KCND2: variants seen among roughly 807,000 people sequenced by gnomAD.
The protein encoded by KCND2 is A-type voltage-gated potassium channel KCND2.
KCND2 carries 16 observed loss-of-function variants against 54.4 expected under a neutral mutation model. That is an observed-to-expected ratio of 0.29 (90% CI 0.20 to 0.45). The LOEUF (loss-of-function observed/expected upper bound fraction) is 0.45. KCND2 is among the 20% of genes least tolerant of loss of function. KCND2 has a pLI of 1.00. For synonymous variants in KCND2, 317 were observed against 310.7 expected, an observed-to-expected ratio of 1.02 and a Z score of -0.21; for missense variants, 486 against 824.2, an observed-to-expected ratio of 0.59 and a Z score of 5.02.
At chr7:120,427,616 C>T (rs1312950810) in intron 1 of KCND2, among the ~76,000 whole-genome samples, 1 of 151,880 alleles carries the variant, frequency 6.6e-6, no homozygotes, top group Admixed American at 6.6e-5. Context: ...ATATTTGAAA[C>T]AAATATAAAA....
At chr7:120,562,060 T>C (rs1792242706) in intron 1 of KCND2, among the ~76,000 whole-genome samples, 1 of 152,200 alleles carries the variant, frequency 6.6e-6, no homozygotes, top group Non-Finnish European at 1.5e-5. Flanking sequence ...AGATTCAACG[T>C]ATCTGTTAAT....
chr7:120,328,665 T>C (rs1800016770), intron 1 of KCND2, among the ~76,000 whole-genome samples: 1 of 152,158 alleles, frequency 6.6e-6, no homozygotes, highest in Non-Finnish European at 1.5e-5. Context: ...TATCAAAATA[T>C]GGTGATAAAT....
intron 1 of KCND2, among the ~76,000 whole-genome samples, chr7:120,678,736 GTGTATA>G (rs1348874245): frequency 9.9e-5 from 8 of 80,532 alleles, no homozygotes; most frequent in African/African-American, 2.0e-4. Context: ...GGGTGTGTGA[GTGTATA>G]TATATATATA....
chr7:120,626,588 T>C (rs1331418382), intron 1 of KCND2, among the ~76,000 whole-genome samples: 2 of 152,156 alleles, frequency 1.3e-5, no homozygotes, highest in Non-Finnish European at 2.9e-5. Flanking sequence ...GACACATCTC[T>C]AGATCAGTCT....
chr7:120,311,538 C>T lies in KCND2; in HGVS notation c.1115+35791C>T, dbSNP rs116050821. 3.5e-3 allele frequency among the ~76,000 whole-genome samples: 529 copies of T among 152,280 alleles called. 1 individual carries two copies. The highest frequency in any genetic ancestry group is 0.012 in the African/African-American group (485 of 41,554). On this transcript the variant is annotated intron_variant, in intron 1 of 5. Coordinates refer to ENST00000331113, the MANE Select transcript of KCND2 (RefSeq NM_012281.3). ...AATGACTAATATTTATTAACCACAA[C>T]ATTACAGTAACTATTCTGAATGGAT...
chr7:120,581,911 A>G (rs1371022167), intron 1 of KCND2, among the ~76,000 whole-genome samples: 1 of 151,996 alleles, frequency 6.6e-6, no homozygotes, highest in African/African-American at 2.4e-5. Context: ...ACAGGGTTTC[A>G]CCATGTTGGT....
chr7:120,310,482 T>C (rs1342462861), intron 1 of KCND2, among the ~76,000 whole-genome samples: 1 of 152,222 alleles, frequency 6.6e-6, no homozygotes, highest in African/African-American at 2.4e-5. Flanking sequence ...AAAATACTTA[T>C]ATAAATGTCT....
rs1007350589 is a variant in KCND2 at position 120,397,959 on chromosome 7, G to A, written c.1115+122212G>A. On this transcript the variant is annotated intron_variant, in intron 1 of 5. Coordinates refer to ENST00000331113, the MANE Select transcript of KCND2 (RefSeq NM_012281.3). ...AAAAAGTACATATACATAACTATAT[G>A]TGTGTGTATATAAGTGTGTGTGTGT... is the stretch of plus-strand genomic sequence containing the variant. 2.1e-5 allele frequency among the ~76,000 whole-genome samples: 3 copies of A among 144,822 alleles called. No individual in the cohort carries two copies. In the Admixed American group the frequency reaches 2.1e-4, roughly 10 times the overall value.
intron 1 of KCND2, among the ~76,000 whole-genome samples, chr7:120,554,521 G>A (rs1010166105): frequency 3.3e-5 from 5 of 151,776 alleles, no homozygotes; most frequent in Non-Finnish European, 7.4e-5. Context: ...CCATTCTCCT[G>A]CCTCAGCCTC....
chr7:120,502,667 T>C (rs1470150005), intron 1 of KCND2, among the ~76,000 whole-genome samples: 1 of 152,046 alleles, frequency 6.6e-6, no homozygotes, highest in Non-Finnish European at 1.5e-5. Flanking sequence ...TGCAAGCTAA[T>C]TGCCACACGT....
intron 1 of KCND2, among the ~76,000 whole-genome samples, chr7:120,335,506 A>T (rs865877355): frequency 1.5e-5 from 2 of 130,802 alleles, no homozygotes; most frequent in East Asian, 3.4e-4. Flanking sequence ...TTTATTTATT[A>T]GACAGAGTCT....
At chr7:120,573,485 TC>T (rs1792390730) in intron 1 of KCND2, among the ~76,000 whole-genome samples, 1 of 152,180 alleles carries the variant, frequency 6.6e-6, no homozygotes, top group Admixed American at 6.5e-5. Context: ...AACAAGTGTT[TC>T]CCAACTTGCA....
chr7:120,500,337 T>C (rs1427919763), intron 1 of KCND2, among the ~76,000 whole-genome samples: 1 of 152,194 alleles, frequency 6.6e-6, no homozygotes, highest in Non-Finnish European at 1.5e-5. Flanking sequence ...CATAAGTAAA[T>C]GTTCATGTCC....
chr7:120,467,993 T>C (rs113106483), intron 1 of KCND2, among the ~76,000 whole-genome samples: 3,218 of 152,174 alleles, frequency 0.021, 65 homozygotes, highest in South Asian at 0.096. Flanking sequence ...ACTGTTAACA[T>C]TAGTGTTGAT....
At chr7:120,359,339 A>G (rs1305929692) in intron 1 of KCND2, among the ~76,000 whole-genome samples, 2 of 152,104 alleles carry the variant, frequency 1.3e-5, no homozygotes, top group African/African-American at 2.4e-5. Context: ...ATTGTTATAA[A>G]TTTGCCTCTC....
intron 1 of KCND2, among the ~76,000 whole-genome samples, chr7:120,328,112 C>T (rs1800007435): frequency 6.6e-6 from 1 of 152,072 alleles, no homozygotes. Context: ...GATACAATGT[C>T]ATGGCATTCC....
At position 120,382,173 on chromosome 7, in the gene KCND2, G is replaced by A. The variant is rs1227305732; in HGVS notation, c.1115+106426G>A. On this transcript the variant is annotated intron_variant, in intron 1 of 5. Transcript: ENST00000331113. ...TCAAGGACATAAGGACAAGTTTTTA[G>A]AATCTATTAGTAAGAGGATCCAATA... 1.3e-5 allele frequency among the ~76,000 whole-genome samples: 2 copies of A among 151,768 alleles called. 1 individual carries two copies. Among genetic ancestry groups the A allele is most frequent in the Non-Finnish European group, 2.9e-5 (2 of 67,842 alleles).
In KCND2 at chr7:120,485,354, C is replaced by T. The variant is rs116439741; in HGVS notation, c.1115+209607C>T. Among the ~76,000 whole-genome samples the T allele has an allele frequency of 5.3e-3, 800 of 152,194 alleles. 6 individuals carry two copies. The highest frequency in any genetic ancestry group is 0.018 in the African/African-American group (763 of 41,528). On this transcript the variant is annotated intron_variant, in intron 1 of 5. Transcript: ENST00000331113. ...CTTAAAATGCCCAGAGTTAATTATC[C>T]TGGAGTAAGAATATCTCAATTGTCC...
At chr7:120,472,553 G>A (rs1162022140) in intron 1 of KCND2, among the ~76,000 whole-genome samples, 1 of 141,412 alleles carries the variant, frequency 7.1e-6, no homozygotes, top group Non-Finnish European at 1.5e-5. Context: ...ATTGTTATGA[G>A]ACTTTAAATA....
Sources: gnomAD v4.1 joint callset for allele counts (sites outside exome capture counted in the v4.1 genomes callset) on GRCh38, gnomAD v4.1.1 for gene constraint, MANE v1.5 for transcripts, NCBI Gene and HGNC (gene_info 2026-07-23, HGNC 2026-07-21) for gene names.